Variants in ATP7A observed in about 807,000 individuals in gnomAD.
ATP7A encodes the protein copper-transporting ATPase 1.
Under a neutral mutation model 83.5 loss-of-function variants are expected in ATP7A, and 7 were observed. That is an observed-to-expected ratio of 0.08 (90% CI 0.05 to 0.16). ATP7A has a LOEUF of 0.16. Among genes scored for constraint, ATP7A ranks in the 10% least tolerant of loss-of-function variants. The pLI, the probability that ATP7A is intolerant of heterozygous loss-of-function variation, is 1.00. For missense variants in ATP7A, 940 were observed against 1,120.8 expected (o/e 0.84, Z 2.30); for synonymous variants, 354 against 395.2 (o/e 0.90, Z 1.24).
chrX:77,915,816 G>A (rs1407473322), intron 1 of ATP7A, among the ~76,000 whole-genome samples: 2 of 111,864 alleles, frequency 1.8e-5, no homozygotes, highest in Non-Finnish European at 3.8e-5. Context: ...TGCCTCCAGG[G>A]TTCAAGCGAT....
intron 2 of ATP7A, among the ~76,000 whole-genome samples, chrX:77,980,118 T>C (rs782359807): frequency 8.9e-6 from 1 of 112,495 alleles, no homozygotes; most frequent in East Asian, 2.8e-4. Flanking sequence ...AGTTTGTCCC[T>C]GAAACTTACA....
chrX:78,002,939 A>C (rs2149090122), intron 5 of ATP7A, 134 bp from the exon 6 acceptor site: 1 of 689,460 alleles, frequency 1.5e-6, no homozygotes, highest in African/African-American at 2.2e-5. Context: ...TATAAAAGTT[A>C]AATTTCTCCA....
intron 1 of ATP7A, among the ~76,000 whole-genome samples, chrX:77,967,850 C>T (rs2077518766): frequency 8.9e-6 from 1 of 111,938 alleles, no homozygotes; most frequent in Non-Finnish European, 1.9e-5. Flanking sequence ...TTACAAGAGT[C>T]CATTAATCAT....
intron 1 of ATP7A, among the ~76,000 whole-genome samples, chrX:77,955,099 C>T (rs1427860091): frequency 1.8e-5 from 2 of 110,817 alleles, no homozygotes; most frequent in Admixed American, 9.7e-5. Flanking sequence ...TTGTGCTCCT[C>T]TCAAGTCACT....
At chrX:77,968,290 A>G (rs1244194532) in intron 1 of ATP7A, among the ~76,000 whole-genome samples, 3 of 112,337 alleles carry the variant, frequency 2.7e-5, no homozygotes, top group Non-Finnish European at 3.8e-5. Flanking sequence ...ATTGTTTTGT[A>G]TTATTAATAT....
chrX:78,030,052 C>A (rs181952131), intron 15 of ATP7A, among the ~76,000 whole-genome samples: 192 of 112,250 alleles, frequency 1.7e-3, no homozygotes, highest in Non-Finnish European at 2.4e-3. Flanking sequence ...TAGAACAAAT[C>A]TGGAAACTCA....
chrX:78,011,200 G>C lies in ATP7A; in HGVS notation c.1894G>C (p.Val632Leu). The C allele has an allele frequency of 8.3e-7, 1 of 1,209,990 alleles. No homozygotes were observed. Among genetic ancestry groups the C allele is most frequent in the Middle Eastern group, 2.3e-4 (1 of 4,338 alleles). The stretch of plus-strand genomic sequence containing the variant: ...GAGCTTAGGTTTTGAAGCTTCTTTG[G>C]TCAAGAAGGATCGGTCAGCAAGTCA... ...IESLGFEASLVKKDRSASHLD... is the reference protein window; with the variant it reads ...IESLGFEASLLKKDRSASHLD... Residue 632 changes from valine (V) to leucine (L), a missense_variant, in exon 8 of 23, where the codon GTC (valine) becomes CTC (leucine). This residue lies in a region of ATP7A where 204 missense variants were observed against 185.8 expected (regional missense o/e 1.10). Coordinates refer to ENST00000341514, the MANE Select transcript of ATP7A (RefSeq NM_000052.7).
At chrX:77,941,905 A>G (rs1404544890) in intron 1 of ATP7A, among the ~76,000 whole-genome samples, 1 of 112,442 alleles carries the variant, frequency 8.9e-6, no homozygotes, top group Non-Finnish European at 1.9e-5. Flanking sequence ...TTAATTAAGT[A>G]TATCACACTA....
Position 78,014,451 on chromosome X carries a change from C to T in ATP7A, c.2407-211C>T, listed in dbSNP as rs554848250. On this transcript the variant is annotated intron_variant, in intron 10 of 22. Coordinates refer to ENST00000341514, the MANE Select transcript of ATP7A (RefSeq NM_000052.7). ...AAATAATAAAATATTTTGTGTACTT[C>T]GTCTTTCTGAAGTGAAACATTTTCT... Among the ~76,000 whole-genome samples, 37 of 110,923 alleles carry T rather than the reference C, an allele frequency of 3.3e-4. 1 individual carries two copies. The South Asian group carries it at 0.011, about 32-fold the overall frequency.
intron 1 of ATP7A, among the ~76,000 whole-genome samples, chrX:77,954,123 T>TA (rs1192763641): frequency 1.8e-5 from 2 of 111,416 alleles, no homozygotes; most frequent in African/African-American, 3.3e-5. Flanking sequence ...AATGGTCAAA[T>TA]AAAAAAAACT....
chrX:77,975,426 G>C (rs1368373500), intron 2 of ATP7A: 3 of 107,862 alleles, frequency 2.8e-5, no homozygotes, highest in African/African-American at 6.8e-5. Flanking sequence ...AAAGCTTGAG[G>C]ATTCCTACTG....
Position 78,009,108 on chromosome X carries a change from G to A in ATP7A, c.1714G>A (p.Gly572Arg), listed in dbSNP as rs1569549834. 1.8e-5 allele frequency: 22 copies of A among 1,207,832 alleles called. No homozygotes were observed. The highest frequency in any genetic ancestry group is 2.3e-5 in the Non-Finnish European group (21 of 894,061). The stretch of plus-strand genomic sequence containing the variant: ...AATGCTTTGTCTTTAACAGGTGAGG[G>A]GAATGACGTGTGCCTCCTGCGTACA... ...GDGVLELVVRGMTCASCVHKI... is the reference protein window; with the variant it reads ...GDGVLELVVRRMTCASCVHKI... Residue 572 changes from glycine (G) to arginine (R), a missense_variant, in exon 7 of 23, where the codon GGA (glycine) becomes AGA (arginine). By Grantham distance (125) the Gly-to-Arg change is moderately radical. Coordinates refer to ENST00000341514, the MANE Select transcript of ATP7A (RefSeq NM_000052.7).
intron 4 of ATP7A, among the ~76,000 whole-genome samples, chrX:77,992,938 A>C (rs2077678761): frequency 8.9e-6 from 1 of 112,519 alleles, no homozygotes; most frequent in Admixed American, 9.4e-5. Flanking sequence ...TAAATTTTTG[A>C]AAATGACAGT....
At chrX:78,016,903 T>A (rs1471119521) in intron 12 of ATP7A, among the ~76,000 whole-genome samples, 2 of 112,163 alleles carry the variant, frequency 1.8e-5, no homozygotes, top group African/African-American at 6.5e-5. Flanking sequence ...GTACAAGCTG[T>A]TGGTGGATCT....
chrX:78,024,674 TG>T (rs782306329), intron 14 of ATP7A, among the ~76,000 whole-genome samples: 4 of 111,700 alleles, frequency 3.6e-5, no homozygotes, highest in Admixed American at 2.8e-4. Context: ...TGCTTTGGTC[TG>T]GGGGAAAAGA....
At chrX:77,961,103 A>C (rs1451721146) in intron 1 of ATP7A, among the ~76,000 whole-genome samples, 1 of 112,068 alleles carries the variant, frequency 8.9e-6, no homozygotes, top group Non-Finnish European at 1.9e-5. Flanking sequence ...TGAAAAAAAA[A>C]CAATGCAGGT....
Position 78,020,327 on chromosome X carries a change from G to T in ATP7A, c.2710G>T (p.Ala904Ser). 1 of 1,211,285 alleles carries T rather than the reference G, an allele frequency of 8.3e-7. No individual in the cohort carries two copies. Among genetic ancestry groups the T allele is most frequent in the Non-Finnish European group, 1.1e-6 (1 of 895,106 alleles). Residue 904 changes from alanine (A) to serine (S), a missense_variant, in exon 13 of 23, where the codon GCA becomes TCA. Ala to Ser is a moderately conservative substitution (Grantham distance 99). Transcript: ENST00000341514. ...INQNGSLLIC[A>S]THVGADTTLS... ...CCAGAACGGGTCACTGCTTATCTGC[G>T]CAACACATGTTGGAGCAGACACAAC...
In ATP7A at chrX:78,030,907, T is replaced by A. The variant is rs1271944209; in HGVS notation, c.3112-493T>A. Among the ~76,000 whole-genome samples, 4 of 110,178 alleles carry A rather than the reference T, an allele frequency of 3.6e-5. No individual in the cohort carries two copies. In the East Asian group the frequency reaches 1.1e-3, roughly 31 times the overall value. On this transcript the variant is annotated intron_variant, in intron 15 of 22. Coordinates refer to ENST00000341514, the MANE Select transcript of ATP7A (RefSeq NM_000052.7). ...GGTTTCACCATGTTGGCCAGGCTGG[T>A]CTCGATCTCCTGACCTCAGGTGATC...
Position 77,989,718 on chromosome X carries a change from A to T in ATP7A, c.1096A>T (p.Ile366Phe). The change falls in exon 4 of 23, where the codon ATT becomes TTT. Residue 366 changes from isoleucine to phenylalanine, a missense_variant. Around this residue, in one of 3 missense-constraint regions of ATP7A, gnomAD observed 350 missense variants for 432.8 expected, o/e 0.81. Coordinates refer to ENST00000341514, the MANE Select transcript of ATP7A (RefSeq NM_000052.7). ...NSPSSSSLQKIPLNVVSQPLT... is the reference protein window; with the variant it reads ...NSPSSSSLQKFPLNVVSQPLT... ...TCCCTCCAGCTCATCTCTTCAGAAG[A>T]TTCCTTTGAATGTAGTTAGCCAGCC... 1 of 1,211,505 alleles carries T rather than the reference A, an allele frequency of 8.3e-7. No individual in the cohort carries two copies. The highest frequency in any genetic ancestry group is 1.1e-6 in the Non-Finnish European group (1 of 895,356).
Sources: gnomAD v4.1 joint callset for allele counts (sites outside exome capture counted in the v4.1 genomes callset) on GRCh38, gnomAD v4.1.1 for gene constraint, gnomAD v4.1.1 regional missense constraint, MANE v1.5 for transcripts, NCBI Gene and HGNC (gene_info 2026-07-23, HGNC 2026-07-21) for gene names.